CELF2: variants seen among roughly 807,000 people sequenced by gnomAD.
CELF2 encodes CUGBP Elav-like family member 2.
CELF2 carries 8 observed loss-of-function variants against 62.6 expected under a neutral mutation model. The observed-to-expected ratio is 0.13, with a 90% confidence interval of 0.07 to 0.23. The LOEUF is 0.23. CELF2 is among the 10% of genes least tolerant of loss of function. The probability of loss-of-function intolerance (pLI) is 1.00; values close to 1 mark genes in which losing one functional copy is unlikely to be tolerated. For synonymous variants in CELF2, 258 were observed against 250.0 expected, an observed-to-expected ratio of 1.03 and a Z score of -0.30; for missense variants, 333 against 671.0, an observed-to-expected ratio of 0.50 and a Z score of 5.56.
chr10:10,625,449 A>G, the CELF2 span, among the ~76,000 whole-genome samples: 1 of 150,712 alleles, frequency 6.6e-6, no homozygotes, highest in African/African-American at 2.4e-5. Context: ...AACACTGCGT[A>G]TCTCTGAAGC....
intron 12 of CELF2, among the ~76,000 whole-genome samples, chr10:11,327,928 TA>T (rs1017151043): frequency 1.3e-5 from 2 of 152,194 alleles, no homozygotes; most frequent in African/African-American, 4.8e-5. Context: ...CGTTTAGACC[TA>T]AATGTAAATC....
chr10:10,508,168 C>CAA, the CELF2 span, among the ~76,000 whole-genome samples: 1 of 149,090 alleles, frequency 6.7e-6, no homozygotes, highest in African/African-American at 2.5e-5. Context: ...CAGACAAATA[C>CAA]AAAAAAAAAA....
chr10:11,021,445 C>T (rs986922907), intron 1 of CELF2, among the ~76,000 whole-genome samples: 2 of 152,090 alleles, frequency 1.3e-5, no homozygotes, highest in African/African-American at 4.8e-5. Flanking sequence ...CTAAGGACAT[C>T]ATTGTTAAAG....
chr10:10,919,649 G>T (rs2064696603), intron 1 of CELF2, among the ~76,000 whole-genome samples: 1 of 152,132 alleles, frequency 6.6e-6, no homozygotes, highest in Admixed American at 6.6e-5. Context: ...TTTGGGATTT[G>T]TTTCTCTTTC....
chr10:11,041,429 G>A (rs896542420), intron 1 of CELF2, among the ~76,000 whole-genome samples: 26 of 152,154 alleles, frequency 1.7e-4, no homozygotes, highest in African/African-American at 6.3e-4. Flanking sequence ...AATGGTGTTG[G>A]TGTCTAAACA....
chr10:10,882,222 T>C (rs1250700033), intron 1 of CELF2, among the ~76,000 whole-genome samples: 3 of 152,208 alleles, frequency 2.0e-5, no homozygotes, highest in African/African-American at 7.2e-5. Context: ...TAATCAGTCT[T>C]ATAACATGAA....
At chr10:10,480,098 C>T in the CELF2 span, among the ~76,000 whole-genome samples, 1 of 152,010 alleles carries the variant, frequency 6.6e-6, no homozygotes, top group Non-Finnish European at 1.5e-5. Flanking sequence ...AATAATTGTT[C>T]CTGGTTCTTT....
the CELF2 span, among the ~76,000 whole-genome samples, chr10:10,557,174 G>A: frequency 4.6e-5 from 6 of 131,694 alleles, no homozygotes; most frequent in South Asian, 2.5e-4. Flanking sequence ...TAGGTCTAAC[G>A]TTTAAGTCTT....
rs1253660015 is a variant in CELF2, at chr10:11,187,436, A to G, written c.271+21754A>G. The stretch of plus-strand genomic sequence containing the variant: ...TGTCTATTTAAAGTGCATTTATTGT[A>G]CACAGCAGGTAGTCGGATCATAATT... On this transcript the variant is annotated intron_variant, in intron 2 of 12. Transcript: ENST00000633077. Among the ~76,000 whole-genome samples, 8 of 152,336 alleles carry G rather than the reference A, an allele frequency of 5.3e-5. No homozygotes were observed. The East Asian group carries it at 1.3e-3, about 26-fold the overall frequency.
At chr10:10,616,295 G>GGTGTGTGTGT in the CELF2 span, among the ~76,000 whole-genome samples, 138 of 143,956 alleles carry the variant, frequency 9.6e-4, no homozygotes, top group South Asian at 0.011. Context: ...TTTTGTTTGG[G>GGTGTGTGTGT]GTGTGTGTGT....
chr10:10,989,144 AG>A (rs1423627439), intron 2 of CELF2, among the ~76,000 whole-genome samples: 1 of 152,212 alleles, frequency 6.6e-6, no homozygotes, highest in African/African-American at 2.4e-5. Flanking sequence ...CTATACTTCT[AG>A]ATGGACAGAG....
chr10:11,056,728 A>T lies in CELF2; in HGVS notation c.74+38565A>T, dbSNP rs79252411. On this transcript the variant is annotated intron_variant, in intron 1 of 12. Coordinates refer to ENST00000633077, the MANE Select transcript of CELF2 (RefSeq NM_001326342.2). The stretch of plus-strand genomic sequence containing the variant: ...CAGGATCAGAGGATGCATTTTCATG[A>T]AGATAGTAGACCACTTATCTTAGGT... 7.4e-3 allele frequency among the ~76,000 whole-genome samples: 1,125 copies of T among 152,314 alleles called. 9 individuals are homozygous for T. The highest frequency in any genetic ancestry group is 0.025 in the African/African-American group (1,024 of 41,532).
chr10:10,478,565 T>C, the CELF2 span, among the ~76,000 whole-genome samples: 1 of 152,206 alleles, frequency 6.6e-6, no homozygotes, highest in East Asian at 1.9e-4. Flanking sequence ...TACAGTTATA[T>C]AGTCATTAGA....
intron 2 of CELF2, among the ~76,000 whole-genome samples, chr10:10,932,212 A>T (rs1230899538): frequency 2.6e-5 from 4 of 152,178 alleles, no homozygotes; most frequent in African/African-American, 9.7e-5. Context: ...TACTAAAAAA[A>T]TCCAACTCAT....
chr10:11,050,812 T>G (rs2063781926), intron 1 of CELF2, among the ~76,000 whole-genome samples: 1 of 152,148 alleles, frequency 6.6e-6, no homozygotes, highest in African/African-American at 2.4e-5. Context: ...GGGCTGCCCT[T>G]CCCTGCCTTG....
chr10:10,964,982 G>GA (rs540819653), intron 2 of CELF2, among the ~76,000 whole-genome samples: 87 of 152,054 alleles, frequency 5.7e-4, no homozygotes, highest in African/African-American at 1.9e-3. Flanking sequence ...ATGGCTTAAT[G>GA]AAAAAAACTG....
intron 1 of CELF2, among the ~76,000 whole-genome samples, chr10:10,835,417 C>T (rs1459311206): frequency 6.7e-6 from 1 of 149,064 alleles, no homozygotes; most frequent in Non-Finnish European, 1.5e-5. Context: ...AAGTTTTGCT[C>T]TGTCACCCAG....
Position 10,990,273 on chromosome 10 carries a change from G to A in CELF2, c.89+70274G>A, listed in dbSNP as rs981294138. Among the ~76,000 whole-genome samples the A allele has an allele frequency of 6.6e-6, 1 of 151,994 alleles. No homozygotes were observed. The highest frequency in any genetic ancestry group is 2.4e-5 in the African/African-American group (1 of 41,418). On this transcript the variant is annotated intron_variant, in intron 2 of 13. Transcript: ENST00000636488. The surrounding 1 kb of genome is among the most constrained non-coding windows in gnomAD (Gnocchi z 4.6). ...TTATGTGGGAAAAATATATCATGTTGTATAAAAAGGATTAAAAATTCTGAT... is the reference window on the plus strand; with the variant it reads ...TTATGTGGGAAAAATATATCATGTTATATAAAAAGGATTAAAAATTCTGAT...
At chr10:11,206,449 A>G (rs1466663216) in intron 2 of CELF2, among the ~76,000 whole-genome samples, 2 of 152,252 alleles carry the variant, frequency 1.3e-5, no homozygotes, top group Admixed American at 1.3e-4. Flanking sequence ...TTTAGAAACT[A>G]AATCCTTCTT....
Sources: gnomAD v4.1 joint callset for allele counts (sites outside exome capture counted in the v4.1 genomes callset) on GRCh38, gnomAD v4.1.1 for gene constraint, Gnocchi (gnomAD v3.1) non-coding constraint, MANE v1.5 for transcripts, NCBI Gene and HGNC (gene_info 2026-07-23, HGNC 2026-07-21) for gene names.